Variants in SLC44A5 observed in about 807,000 individuals in gnomAD.
SLC44A5 encodes choline transporter-like protein 5.
Under a neutral mutation model 101.8 loss-of-function variants are expected in SLC44A5, and 57 were observed. The ratio of observed to expected loss-of-function variants is 0.56; its 90% CI spans 0.45 to 0.70. The LOEUF (loss-of-function observed/expected upper bound fraction) is 0.70. Ranked by LOEUF, SLC44A5 falls within the 30% of genes least tolerant of loss-of-function variation. SLC44A5 has a pLI of 0.00. For missense variants in SLC44A5, 737 were observed against 853.1 expected (o/e 0.86, Z 1.70); for synonymous variants, 281 against 290.9 (o/e 0.97, Z 0.35).
intron 2 of SLC44A5, among the ~76,000 whole-genome samples, chr1:75,530,300 T>C (rs956998526): frequency 2.0e-5 from 3 of 152,178 alleles, no homozygotes; most frequent in Non-Finnish European, 2.9e-5. Context: ...AAAATTCTGC[T>C]ACCAAAAATA....
At chr1:75,309,912 C>T (rs772443558) in intron 4 of SLC44A5, among the ~76,000 whole-genome samples, 2 of 152,098 alleles carry the variant, frequency 1.3e-5, no homozygotes, top group African/African-American at 4.8e-5. Flanking sequence ...CAAAGTAGTA[C>T]GAAAATTCTT....
the SLC44A5 span, among the ~76,000 whole-genome samples, chr1:75,708,413 C>CAAAAAAA: frequency 2.0e-4 from 8 of 39,070 alleles, 1 homozygote; most frequent in African/African-American, 8.7e-4. Context: ...GACTCCGTCT[C>CAAAAAAA]AAAAAAAAAA....
chr1:75,587,069 C>T (rs1674050300), intron 1 of SLC44A5, among the ~76,000 whole-genome samples: 1 of 152,052 alleles, frequency 6.6e-6, no homozygotes, highest in Admixed American at 6.6e-5. Flanking sequence ...TTTTGTATGT[C>T]ACAACTGAAG....
intron 2 of SLC44A5, among the ~76,000 whole-genome samples, chr1:75,430,175 T>G (rs1439266257): frequency 6.6e-6 from 1 of 152,150 alleles, no homozygotes; most frequent in Non-Finnish European, 1.5e-5. Context: ...ATGAATGGAT[T>G]ATTACCATTA....
chr1:75,322,974 G>T (rs1656284729), intron 4 of SLC44A5, among the ~76,000 whole-genome samples: 1 of 151,666 alleles, frequency 6.6e-6, no homozygotes, highest in Non-Finnish European at 1.5e-5. Flanking sequence ...AAGTTTTAGG[G>T]TACATGTGCA....
At chr1:75,203,906 T>C in intron 23 of SLC44A5, 73 bp from the exon 24 acceptor site, 4 of 1,445,774 alleles carry the variant, frequency 2.8e-6, no homozygotes, top group Non-Finnish European at 9.2e-7. Flanking sequence ...ATCTGCTGTA[T>C]ACTCGCTTTA....
chr1:75,359,025 A>T (rs985781352), intron 3 of SLC44A5, among the ~76,000 whole-genome samples: 4 of 151,364 alleles, frequency 2.6e-5, no homozygotes, highest in Non-Finnish European at 4.4e-5. Context: ...GGTAACTACC[A>T]TTCTACTCTC....
At chr1:75,680,258 G>A in the SLC44A5 span, among the ~76,000 whole-genome samples, 853 of 151,070 alleles carry the variant, frequency 5.6e-3, 8 homozygotes, top group African/African-American at 0.019. Flanking sequence ...TGCACCAAGC[G>A]GACCTAATAG....
rs2102047060 is a variant in SLC44A5, at chr1:75,574,104, T to C, written c.-69-32588A>G. On this transcript the variant is annotated intron_variant, in intron 1 of 23. Coordinates refer to ENST00000370859, the MANE Select transcript of SLC44A5 (RefSeq NM_001130058.2). Reference sequence around the variant, plus strand: ...GTGAAGAAAGCAAAATGCATCAAAGTCAACACCTTGAATTGCACCTGGAAG... The same window carrying C: ...GTGAAGAAAGCAAAATGCATCAAAGCCAACACCTTGAATTGCACCTGGAAG... Among the ~76,000 whole-genome samples the C allele has an allele frequency of 1.3e-5, 2 of 152,270 alleles. 1 individual carries two copies. Among genetic ancestry groups the C allele is most frequent in the South Asian group, 4.1e-4 (2 of 4,828 alleles).
rs150485960 is a variant in SLC44A5 at position 75,567,750 on chromosome 1, C to T, written c.-69-26234G>A. Among the ~76,000 whole-genome samples the T allele has an allele frequency of 9.7e-4, 147 of 152,132 alleles. 1 individual carries two copies. Among genetic ancestry groups the T allele is most frequent in the African/African-American group, 2.0e-3 (84 of 41,522 alleles). ...TAATATGCTAGAATCATTCTAAATA[C>T]GATTTAATAAGGCTAGGAAGGGGAA... On this transcript the variant is annotated intron_variant, in intron 1 of 23. Coordinates refer to ENST00000370859, the MANE Select transcript of SLC44A5 (RefSeq NM_001130058.2).
chr1:75,474,337 C>G (rs953837286), intron 2 of SLC44A5, among the ~76,000 whole-genome samples: 1 of 152,154 alleles, frequency 6.6e-6, no homozygotes, highest in African/African-American at 2.4e-5. Flanking sequence ...TTTAACACTG[C>G]ATACTAAAGC....
intron 2 of SLC44A5, among the ~76,000 whole-genome samples, chr1:75,472,745 G>A (rs1259720728): frequency 6.6e-6 from 1 of 152,108 alleles, no homozygotes; most frequent in Non-Finnish European, 1.5e-5. Context: ...CACAAATGTG[G>A]TATTTATGAG....
At chr1:75,325,201 GACTTGA>G in intron 4 of SLC44A5, among the ~76,000 whole-genome samples, 1 of 152,262 alleles carries the variant, frequency 6.6e-6, no homozygotes, top group East Asian at 1.9e-4. Context: ...GGAACATGTG[GACTTGA>G]CCTTCACATG....
chr1:75,523,301 G>A (rs1282065570), intron 2 of SLC44A5, among the ~76,000 whole-genome samples: 2 of 152,020 alleles, frequency 1.3e-5, no homozygotes, highest in African/African-American at 2.4e-5. Context: ...GGTCACTTTT[G>A]TTCATATAAT....
chr1:75,520,420 A>G (rs1247838637), intron 2 of SLC44A5, among the ~76,000 whole-genome samples: 1 of 152,222 alleles, frequency 6.6e-6, no homozygotes, highest in Admixed American at 6.5e-5. Context: ...CAAATTTTGA[A>G]ATTGTTCTTT....
intron 2 of SLC44A5, among the ~76,000 whole-genome samples, chr1:75,530,427 T>C (rs920601630): frequency 2.6e-5 from 4 of 152,196 alleles, no homozygotes; most frequent in African/African-American, 9.6e-5. Flanking sequence ...AGTTATAGAA[T>C]GTGGAATAAT....
At chr1:75,474,607 T>G (rs2101742571) in intron 2 of SLC44A5, among the ~76,000 whole-genome samples, 1 of 152,350 alleles carries the variant, frequency 6.6e-6, no homozygotes, top group East Asian at 1.9e-4. Flanking sequence ...TTTGTTTTGT[T>G]ATTGCCAATT....
rs1647008020 is a variant in SLC44A5, at chr1:75,218,484, A to C, written c.1529+6T>G. The C allele has an allele frequency of 6.2e-7, 1 of 1,613,336 alleles. No homozygotes were observed. The highest frequency in any genetic ancestry group is 8.5e-7 in the Non-Finnish European group (1 of 1,179,504). The stretch of plus-strand genomic sequence containing the variant: ...AGATAGGTGTAGGCTTCAACTTGAA[A>C]CTTACCGTATGGCTCGTCCAAATGC... On this transcript the variant is annotated splice_donor_region_variant and intron_variant, in intron 17 of 23. Transcript: ENST00000370859.
At chr1:75,244,183 G>A (rs1557570351) in intron 7 of SLC44A5, among the ~76,000 whole-genome samples, 2 of 152,026 alleles carry the variant, frequency 1.3e-5, no homozygotes, top group African/African-American at 4.8e-5. Context: ...ACTAAGCAGA[G>A]TAAGACAGTT....
Sources: allele counts gnomAD v4.1 joint callset (sites outside exome capture counted in the v4.1 genomes callset), GRCh38; gene constraint gnomAD v4.1.1; transcripts MANE v1.5; gene names NCBI Gene and HGNC (gene_info 2026-07-23, HGNC 2026-07-21).